The following KIF26B variants were observed in gnomAD, a reference collection of about 807,000 sequenced individuals.
KIF26B encodes the protein kinesin-like protein KIF26B.
In KIF26B, 63 loss-of-function variants were observed where a neutral mutation model predicts 151.2. That is an observed-to-expected ratio of 0.42 (90% CI 0.34 to 0.51). The LOEUF is 0.51. Among genes scored for constraint, KIF26B ranks in the 20% least tolerant of loss-of-function variants. KIF26B has a pLI of 0.07. For synonymous variants in KIF26B, 1,357 were observed against 1,262.1 expected, an observed-to-expected ratio of 1.08 and a Z score of -1.59; for missense variants, 2,813 against 2,913.6, an observed-to-expected ratio of 0.97 and a Z score of 0.79.
At chr1:245,253,062 T>G (rs1670472161) in intron 2 of KIF26B, among the ~76,000 whole-genome samples, 1 of 148,592 alleles carries the variant, frequency 6.7e-6, no homozygotes, top group Non-Finnish European at 1.5e-5. Context: ...CAGGCTGGAG[T>G]GCAGTGACAT....
chr1:245,494,415 G>A (rs973855774), intron 4 of KIF26B, among the ~76,000 whole-genome samples: 2 of 152,202 alleles, frequency 1.3e-5, no homozygotes, highest in African/African-American at 4.8e-5. Context: ...AAAAATAGAT[G>A]TGAACCTGAA....
chr1:245,653,311 G>A (rs953114717), intron 10 of KIF26B, among the ~76,000 whole-genome samples: 3 of 152,128 alleles, frequency 2.0e-5, no homozygotes, highest in East Asian at 1.9e-4. Context: ...TTCCTAATTC[G>A]TGGACTTGCT....
intron 2 of KIF26B, among the ~76,000 whole-genome samples, chr1:245,260,682 C>A (rs1029871835): frequency 1.3e-5 from 2 of 152,186 alleles, no homozygotes; most frequent in African/African-American, 4.8e-5. Flanking sequence ...ACATCTGTTA[C>A]CTTCTGCCAA....
chr1:245,696,149 G>GT (rs1269136910), intron 12 of KIF26B, among the ~76,000 whole-genome samples: 2 of 152,276 alleles, frequency 1.3e-5, no homozygotes, highest in African/African-American at 4.8e-5. Flanking sequence ...GTTGGTCTCT[G>GT]TTGAGTGAGG....
intron 2 of KIF26B, among the ~76,000 whole-genome samples, chr1:245,326,125 CT>C (rs1671986315): frequency 6.6e-6 from 1 of 152,122 alleles, no homozygotes; most frequent in African/African-American, 2.4e-5. Flanking sequence ...GCATGTGACT[CT>C]TCTAAAAGTA....
intron 2 of KIF26B, among the ~76,000 whole-genome samples, chr1:245,261,023 CTCTCTG>C (rs1670625902): frequency 6.8e-6 from 1 of 147,970 alleles, no homozygotes; most frequent in African/African-American, 2.5e-5. Flanking sequence ...TCCTTCCTTC[CTCTCTG>C]TCTTTCTTTC....
chr1:245,198,214 C>T (rs1448175250), intron 2 of KIF26B, among the ~76,000 whole-genome samples: 3 of 152,280 alleles, frequency 2.0e-5, no homozygotes, highest in African/African-American at 7.2e-5. Flanking sequence ...AATCAGGATA[C>T]CAGAGTCCAT....
chr1:245,402,337 A>G (rs980502811), intron 3 of KIF26B, among the ~76,000 whole-genome samples: 1 of 152,230 alleles, frequency 6.6e-6, no homozygotes, highest in Non-Finnish European at 1.5e-5. Flanking sequence ...GGGTGCCTTC[A>G]TCTGAGTCCC....
At chr1:245,573,380 G>A (rs1257076744) in intron 5 of KIF26B, among the ~76,000 whole-genome samples, 2 of 152,056 alleles carry the variant, frequency 1.3e-5, no homozygotes, top group East Asian at 1.9e-4. Flanking sequence ...AAAATTAGCC[G>A]GGCGTGGTGG....
chr1:245,199,833 A>G (rs1419579173), intron 2 of KIF26B, among the ~76,000 whole-genome samples: 2 of 34,080 alleles, frequency 5.9e-5, no homozygotes, highest in African/African-American at 1.2e-4. Context: ...CCATCCATCC[A>G]TCCATCCATC....
chr1:245,685,285 A>C, intron 11 of KIF26B, 120 bp from the exon 12 acceptor site: 1 of 835,134 alleles, frequency 1.2e-6, no homozygotes, highest in Non-Finnish European at 1.8e-6. Flanking sequence ...CGGGAGGCCA[A>C]CGGGGGTGGC....
Position 245,586,332 on chromosome 1 carries a change from A to T in KIF26B, c.1351-16245A>T, listed in dbSNP as rs535064637. On this transcript the variant is annotated intron_variant, in intron 5 of 14. Coordinates refer to ENST00000407071, the MANE Select transcript of KIF26B (RefSeq NM_018012.4). Reference sequence around the variant, plus strand: ...ACCTGGCCCATCTATAACTAACTTCATAACACTCCAAATTGGAAGAAAGTT... The same window carrying T: ...ACCTGGCCCATCTATAACTAACTTCTTAACACTCCAAATTGGAAGAAAGTT... 7.2e-5 allele frequency among the ~76,000 whole-genome samples: 11 copies of T among 152,262 alleles called. No homozygotes were observed. In the South Asian group the frequency reaches 2.3e-3, roughly 32 times the overall value.
rs1009904264 is a variant in KIF26B, at chr1:245,260,567, G to A, written c.465+103884G>A. On this transcript the variant is annotated intron_variant, in intron 2 of 14. Transcript: ENST00000407071. ...TACATGCATTTCAACGAGGCCTATAGGATTAACAACTTTGGAGGCATGTGT... is the reference window on the plus strand; with the variant it reads ...TACATGCATTTCAACGAGGCCTATAAGATTAACAACTTTGGAGGCATGTGT... 3.9e-5 allele frequency among the ~76,000 whole-genome samples: 6 copies of A among 152,200 alleles called. No homozygotes were observed. The East Asian group carries it at 9.6e-4, about 24-fold the overall frequency.
intron 5 of KIF26B, among the ~76,000 whole-genome samples, chr1:245,561,251 T>C (rs1228805305): frequency 1.6e-4 from 24 of 152,060 alleles, no homozygotes; most frequent in Admixed American, 1.6e-3. Context: ...CAACAGTAAG[T>C]AGGTGGGTGG....
chr1:245,236,467 T>A (rs1000230198), intron 2 of KIF26B, among the ~76,000 whole-genome samples: 1 of 152,208 alleles, frequency 6.6e-6, no homozygotes. Context: ...TGGGACGTAA[T>A]TGACAATCAA....
intron 9 of KIF26B, among the ~76,000 whole-genome samples, chr1:245,617,014 T>G (rs1483579744): frequency 6.6e-6 from 1 of 152,232 alleles, no homozygotes; most frequent in Non-Finnish European, 1.5e-5. Context: ...CACAAATGTA[T>G]GTGCACATGG....
intron 10 of KIF26B, among the ~76,000 whole-genome samples, chr1:245,683,820 G>A (rs2044470600): frequency 6.6e-6 from 1 of 152,174 alleles, no homozygotes; most frequent in Admixed American, 6.5e-5. Flanking sequence ...CCTTTTTGTT[G>A]CAAGATTGTC....
At chr1:245,229,660 GAC>G (rs1669951712) in intron 2 of KIF26B, among the ~76,000 whole-genome samples, 1 of 152,130 alleles carries the variant, frequency 6.6e-6, no homozygotes. Flanking sequence ...TCCTATAAGT[GAC>G]AGGCACTGTA....
intron 4 of KIF26B, among the ~76,000 whole-genome samples, chr1:245,498,158 T>C (rs1273504662): frequency 2.0e-5 from 3 of 152,230 alleles, no homozygotes; most frequent in Non-Finnish European, 2.9e-5. Flanking sequence ...GTAGAAGTCT[T>C]CCTTCTGGGA....
Sources: gnomAD v4.1 joint callset for allele counts (sites outside exome capture counted in the v4.1 genomes callset) on GRCh38, gnomAD v4.1.1 for gene constraint, MANE v1.5 for transcripts, NCBI Gene and HGNC (gene_info 2026-07-23, HGNC 2026-07-21) for gene names.